The following CPEB3 variants were observed in gnomAD, a reference collection of about 807,000 sequenced individuals.
CPEB3 encodes the protein cytoplasmic polyadenylation element-binding protein 3.
In CPEB3, 20 loss-of-function variants were observed where a neutral mutation model predicts 67.2. The ratio of observed to expected loss-of-function variants is 0.30; its 90% CI spans 0.21 to 0.43. The LOEUF (loss-of-function observed/expected upper bound fraction) is 0.43. CPEB3 is among the 20% of genes least tolerant of loss of function. The probability of loss-of-function intolerance (pLI) is 1.00; values close to 1 mark genes in which losing one functional copy is unlikely to be tolerated. For synonymous variants in CPEB3, 376 were observed against 393.1 expected, an observed-to-expected ratio of 0.96 and a Z score of 0.51; for missense variants, 746 against 968.6, an observed-to-expected ratio of 0.77 and a Z score of 3.05.
In CPEB3 at chr10:92,088,310, C is replaced by T. The variant is rs763996414; in HGVS notation, c.1687+3520G>A. On this transcript the variant is annotated intron_variant, in intron 8 of 9. Coordinates refer to ENST00000265997, the MANE Select transcript of CPEB3 (RefSeq NM_014912.5). ...ATGCAATCTCAGCTCACTGCAGCCC[C>T]GAGCTCCCTGGGCTCAAGTGGTTCT... Among the ~76,000 whole-genome samples the T allele has an allele frequency of 2.6e-5, 4 of 151,328 alleles. No homozygotes were observed. The South Asian group carries it at 6.3e-4, about 24-fold the overall frequency.
At chr10:92,263,187 C>T (rs778893347) in intron 1 of CPEB3, among the ~76,000 whole-genome samples, 6 of 152,170 alleles carry the variant, frequency 3.9e-5, no homozygotes, top group African/African-American at 7.2e-5. Context: ...GCAATTCTCA[C>T]GCCTCAGCCC....
At chr10:92,158,108 G>A (rs905108135) in intron 4 of CPEB3, among the ~76,000 whole-genome samples, 1 of 151,784 alleles carries the variant, frequency 6.6e-6, no homozygotes, top group Non-Finnish European at 1.5e-5. Context: ...ATGGGTATTT[G>A]TATCAAAATG....
At chr10:92,203,067 C>A (rs1040510613) in intron 2 of CPEB3, among the ~76,000 whole-genome samples, 28 of 151,062 alleles carry the variant, frequency 1.9e-4, no homozygotes, top group Non-Finnish European at 2.4e-4. Flanking sequence ...TCAGCCTCCC[C>A]AGTAGCTGGG....
chr10:92,266,490 T>C (rs1035566547), intron 1 of CPEB3, among the ~76,000 whole-genome samples: 1 of 152,142 alleles, frequency 6.6e-6, no homozygotes, highest in Non-Finnish European at 1.5e-5. Context: ...ATTAATTCAA[T>C]ACATTTACTG....
At chr10:92,076,241 T>A (rs1451501157) in intron 9 of CPEB3, 2 of 152,142 alleles carry the variant, frequency 1.3e-5, no homozygotes, top group South Asian at 4.2e-4. Flanking sequence ...AGTCAAGGTA[T>A]TGGTTTAAAG....
chr10:92,179,975 TG>T lies in CPEB3; in HGVS notation c.1222+987del, dbSNP rs765988016. ...TGTATTGAGAGTCAGCTTGTATATC[TG>T]GGAAGATGAGAGGGGACAATCTGAT... On this transcript the variant is annotated intron_variant, in intron 4 of 9. Transcript: ENST00000265997. 5.2e-4 allele frequency among the ~76,000 whole-genome samples: 79 copies of T among 152,226 alleles called. 1 individual carries two copies. The highest frequency in any genetic ancestry group is 8.4e-4 in the Non-Finnish European group (57 of 68,032).
chr10:92,225,099 T>G (rs1438772153), intron 2 of CPEB3, among the ~76,000 whole-genome samples: 1 of 151,644 alleles, frequency 6.6e-6, no homozygotes, highest in Admixed American at 6.6e-5. Context: ...CTTACCCTCC[T>G]GAGTAGCTGG....
chr10:92,219,897 C>G (rs1850609353), intron 2 of CPEB3, among the ~76,000 whole-genome samples: 1 of 152,164 alleles, frequency 6.6e-6, no homozygotes, highest in African/African-American at 2.4e-5. Context: ...GTGGCTCACG[C>G]CTGTAATCCC....
At position 92,059,540 on chromosome 10, in the gene CPEB3, C is replaced by CA. The variant is rs535937281; in HGVS notation, c.1870-7102dup. ...CTACATCAAAACGGGGAAAAAACTT[C>CA]AAAAAAACAATCTAATGATGAAACA... On this transcript the variant is annotated intron_variant, in intron 9 of 9. Coordinates refer to ENST00000265997, the MANE Select transcript of CPEB3 (RefSeq NM_014912.5). 1.4e-4 allele frequency among the ~76,000 whole-genome samples: 21 copies of CA among 151,026 alleles called. No homozygotes were observed. In the East Asian group the frequency reaches 3.5e-3, roughly 25 times the overall value.
At chr10:92,223,268 G>A (rs1453036396) in intron 2 of CPEB3, among the ~76,000 whole-genome samples, 2 of 152,142 alleles carry the variant, frequency 1.3e-5, no homozygotes, top group African/African-American at 4.8e-5. Context: ...TCCTAATAAG[G>A]TTTTCCTTTC....
chr10:92,089,539 C>A (rs2133284066), intron 8 of CPEB3, among the ~76,000 whole-genome samples: 1 of 152,224 alleles, frequency 6.6e-6, no homozygotes, highest in East Asian at 1.9e-4. Flanking sequence ...GTAATCCCAG[C>A]ACTTTGGGAG....
At chr10:92,137,690 A>G (rs1188744256) in intron 6 of CPEB3, 2 of 474,224 alleles carry the variant, frequency 4.2e-6, no homozygotes, top group Non-Finnish European at 7.6e-6. Context: ...CATCTTCATC[A>G]ATACTGGAAA....
intron 4 of CPEB3, among the ~76,000 whole-genome samples, chr10:92,152,669 T>C (rs1432849249): frequency 1.3e-5 from 2 of 152,230 alleles, no homozygotes; most frequent in African/African-American, 4.8e-5. Flanking sequence ...TCTACATTTG[T>C]ATATATTTAA....
At chr10:92,083,595 T>C (rs1843244587) in intron 8 of CPEB3, among the ~76,000 whole-genome samples, 1 of 152,136 alleles carries the variant, frequency 6.6e-6, no homozygotes, top group Non-Finnish European at 1.5e-5. Context: ...CCCTTATTGG[T>C]TGAATGGGTT....
chr10:92,186,314 C>T (rs890669007), intron 3 of CPEB3, among the ~76,000 whole-genome samples: 4 of 152,012 alleles, frequency 2.6e-5, no homozygotes, highest in South Asian at 2.1e-4. Flanking sequence ...AGCTTGAGCC[C>T]GGGAGGTGAC....
intron 1 of CPEB3, among the ~76,000 whole-genome samples, chr10:92,253,455 T>A (rs1345688815): frequency 1.1e-5 from 1 of 94,588 alleles, no homozygotes. Context: ...CAAGACTCTG[T>A]CTCAAAACAA....
intron 1 of CPEB3, among the ~76,000 whole-genome samples, chr10:92,281,143 A>G (rs891806707): frequency 6.6e-6 from 1 of 151,512 alleles, no homozygotes; most frequent in Non-Finnish European, 1.5e-5. Flanking sequence ...CAATTTAAAG[A>G]CGGACAAAGG....
chr10:92,260,532 C>T (rs1005592019), intron 1 of CPEB3, among the ~76,000 whole-genome samples: 5 of 133,558 alleles, frequency 3.7e-5, no homozygotes, highest in African/African-American at 1.4e-4. Context: ...GCCTGGGCAA[C>T]AAGAGCAAAA....
At chr10:92,282,747 G>C (rs746197667) in intron 1 of CPEB3, among the ~76,000 whole-genome samples, 18 of 152,020 alleles carry the variant, frequency 1.2e-4, no homozygotes, top group Non-Finnish European at 2.2e-4. Flanking sequence ...CATATTCTGG[G>C]GACCAAAGTC....
Sources: gnomAD v4.1 joint callset for allele counts (sites outside exome capture counted in the v4.1 genomes callset) on GRCh38, gnomAD v4.1.1 for gene constraint, MANE v1.5 for transcripts, NCBI Gene and HGNC (gene_info 2026-07-23, HGNC 2026-07-21) for gene names.